Variants in PRTG observed in about 807,000 individuals in gnomAD.
PRTG encodes the protein protogenin, also known as immunoglobulin superfamily, DCC subclass, member 5.
Under a neutral mutation model 122.5 loss-of-function variants are expected in PRTG, and 67 were observed. The ratio of observed to expected loss-of-function variants is 0.55; its 90% CI spans 0.45 to 0.67. PRTG has a LOEUF of 0.67. Ranked by LOEUF, PRTG falls within the 30% of genes least tolerant of loss-of-function variation. The pLI is 0.00. For missense variants in PRTG, 1,435 were observed against 1,415.4 expected (o/e 1.01, Z -0.22); for synonymous variants, 554 against 501.1 (o/e 1.11, Z -1.41).
At position 55,675,661 on chromosome 15, in the gene PRTG, T is replaced by C. The variant is rs746103048; in HGVS notation, c.1404A>G (p.Gln468=). 5.7e-6 allele frequency: 9 copies of C among 1,573,650 alleles called. No homozygotes were observed. The South Asian group carries it at 7.8e-5, about 14-fold the overall frequency. The change falls in exon 9 of 20, where the codon CAA becomes CAG. Residue 468 remains glutamine, a synonymous_variant. Transcript: ENST00000389286. The part of the protein sequence containing the change: ...KAEGLNNEEY[Q]VVIGNDTTHY... ...GAGTTGTGTCATTTCCGATGACTAC[T>C]TGATACTCTTCATTATTTAAACCTA...
chr15:55,622,321 A>G (rs963643728), intron 18 of PRTG, among the ~76,000 whole-genome samples: 25 of 147,878 alleles, frequency 1.7e-4, no homozygotes, highest in Admixed American at 6.2e-4. Context: ...GGGTTCAAGC[A>G]ACTCTCCTGC....
At chr15:55,640,921 G>A (rs190304501) in intron 12 of PRTG, among the ~76,000 whole-genome samples, 192 bp downstream of exon 12, 6 of 151,804 alleles carry the variant, frequency 4.0e-5, no homozygotes, top group African/African-American at 1.4e-4. Flanking sequence ...GAGAGGCTGA[G>A]GCAGGAGAAT....
At chr15:55,709,742 T>C (rs1338248240) in intron 2 of PRTG, among the ~76,000 whole-genome samples, 2 of 152,200 alleles carry the variant, frequency 1.3e-5, no homozygotes, top group African/African-American at 2.4e-5. Context: ...AAAACATTTA[T>C]GCTGAATGAG....
intron 2 of PRTG, among the ~76,000 whole-genome samples, chr15:55,697,187 C>G (rs1330310168): frequency 1.3e-5 from 2 of 152,194 alleles, no homozygotes; most frequent in African/African-American, 4.8e-5. Context: ...CACTGCTTTT[C>G]AGGAACTCTC....
rs1271807319 is a variant in PRTG at position 55,614,397 on chromosome 15, C to T, written c.*5615G>A. The T allele has an allele frequency of 6.6e-6, 1 of 151,974 alleles. No homozygotes were observed. The highest frequency in any genetic ancestry group is 1.5e-5 in the Non-Finnish European group (1 of 67,958). 9.4% of individuals were successfully genotyped at this position (151,974 alleles called of 1,614,324 possible). On this transcript the variant is annotated 3_prime_UTR_variant, in exon 20 of 20. Coordinates refer to ENST00000389286, the MANE Select transcript of PRTG (RefSeq NM_173814.6). ...GCTTGGTGAAGCTGAAGAGAGGAACCAGATTTAAAGGCAGAAAGTTGTGAA... is the reference window on the plus strand; with the variant it reads ...GCTTGGTGAAGCTGAAGAGAGGAACTAGATTTAAAGGCAGAAAGTTGTGAA...
chr15:55,729,344 G>T (rs368131775), intron 2 of PRTG, among the ~76,000 whole-genome samples: 1 of 152,086 alleles, frequency 6.6e-6, no homozygotes, highest in South Asian at 2.1e-4. Context: ...AAGTAAATTC[G>T]TGGCTGCTAG....
Position 55,648,512 on chromosome 15 carries a change from C to T in PRTG, c.2042-7304G>A, listed in dbSNP as rs8038685. Among the ~76,000 whole-genome samples the T allele has an allele frequency of 4.6e-3, 694 of 152,288 alleles. 4 individuals carry two copies. The highest frequency in any genetic ancestry group is 0.016 in the African/African-American group (652 of 41,544). On this transcript the variant is annotated intron_variant, in intron 11 of 19. Coordinates refer to ENST00000389286, the MANE Select transcript of PRTG (RefSeq NM_173814.6). ...CAAAAAACCCCATGCCTTCGTCCGG[C>T]ATTTTACTTGAAAAACTTGCATTTC...
intron 2 of PRTG, among the ~76,000 whole-genome samples, chr15:55,710,328 T>G (rs993401871): frequency 2.0e-5 from 3 of 152,210 alleles, no homozygotes; most frequent in African/African-American, 7.2e-5. Flanking sequence ...TCTACTTAAT[T>G]ACAGCAATGT....
At chr15:55,701,695 G>T (rs943847104) in intron 2 of PRTG, among the ~76,000 whole-genome samples, 1 of 152,150 alleles carries the variant, frequency 6.6e-6, no homozygotes, top group African/African-American at 2.4e-5. Flanking sequence ...TCCTTCAAAG[G>T]TAGTGAATGA....
chr15:55,660,749 C>CA (rs1178490354), intron 11 of PRTG, among the ~76,000 whole-genome samples: 2 of 151,330 alleles, frequency 1.3e-5, no homozygotes, highest in Admixed American at 6.6e-5. Context: ...AAAAAGGAAA[C>CA]AAAAAAATAA....
At chr15:55,693,303 G>A (rs6493807) in intron 2 of PRTG, among the ~76,000 whole-genome samples, 18,831 of 152,042 alleles carry the variant, frequency 0.12, 1,459 homozygotes, top group East Asian at 0.36. Flanking sequence ...CTAAAAACAC[G>A]AAATCAGCCG....
intron 19 of PRTG, 110 bp from the exon 20 acceptor site, chr15:55,620,376 G>A: frequency 1.3e-6 from 2 of 1,511,792 alleles, no homozygotes; most frequent in East Asian, 2.3e-5. Context: ...ATTACCCGTG[G>A]CAAGCGAAGT....
At chr15:55,675,380 T>G in intron 9 of PRTG, 139 bp downstream of exon 9, 7 of 528,258 alleles carry the variant, frequency 1.3e-5, no homozygotes, top group Non-Finnish European at 1.9e-5. Context: ...AAAGCAAGAG[T>G]GAGATTTTGA....
In PRTG at chr15:55,721,150, G is replaced by A. The variant is rs907091779; in HGVS notation, c.397+19232C>T. On this transcript the variant is annotated intron_variant, in intron 2 of 19. Coordinates refer to ENST00000389286, the MANE Select transcript of PRTG (RefSeq NM_173814.6). ...CTCCCTGATTCCCCACATCTAACAA[G>A]TACTGCCATTGTAAAATCGTAATAA... Among the ~76,000 whole-genome samples, 7 of 152,256 alleles carry A rather than the reference G, an allele frequency of 4.6e-5. No homozygotes were observed. In the South Asian group the frequency reaches 1.5e-3, roughly 32 times the overall value.
At position 55,726,641 on chromosome 15, in the gene PRTG, C is replaced by CAA. The variant is rs201283767; in HGVS notation, c.397+13739_397+13740dup. ...TGTTAACAAGAGCGAATCTTCGTCTCAAAAAAAAAAAAAAAATAGATTAAA... is the reference window on the plus strand; with the variant it reads ...TGTTAACAAGAGCGAATCTTCGTCTCAAAAAAAAAAAAAAAAAATAGATTAAA... On this transcript the variant is annotated intron_variant, in intron 2 of 19. Coordinates refer to ENST00000389286, the MANE Select transcript of PRTG (RefSeq NM_173814.6). Among the ~76,000 whole-genome samples, 606 of 93,830 alleles carry CAA rather than the reference C, an allele frequency of 6.5e-3. 5 individuals are homozygous for CAA. Among genetic ancestry groups the CAA allele is most frequent in the African/African-American group, 0.019 (550 of 29,486 alleles). The allele number at this position is 93,830 out of a possible 152,430, so 61.6% of individuals were successfully genotyped here.
chr15:55,639,532 A>T (rs1300743217), intron 13 of PRTG, 110 bp downstream of exon 13: 2 of 854,654 alleles, frequency 2.3e-6, no homozygotes, highest in Non-Finnish European at 3.6e-6. Flanking sequence ...TCCTGAAACA[A>T]ATGCTTACAG....
intron 14 of PRTG, among the ~76,000 whole-genome samples, chr15:55,637,912 T>C (rs111682697): frequency 7.9e-5 from 12 of 152,324 alleles, no homozygotes; most frequent in African/African-American, 2.9e-4. Flanking sequence ...AGCTGGTTTT[T>C]AACACATCTT....
Position 55,677,914 on chromosome 15 carries a change from G to GTCTGCATGTAC in PRTG, c.1263_1264insGTACATGCAGA (p.Pro422ValfsTer20), listed in dbSNP as rs1243658134. Reference sequence around the variant, plus strand: ...ATGGTTTCAGCATGTACATTATAGGGAGCACTGGGTCTGTCTTCTGACATC... The same window carrying GTCTGCATGTAC: ...ATGGTTTCAGCATGTACATTATAGGGTCTGCATGTACAGCACTGGGTCTGTCTTCTGACATC... On this transcript the variant is annotated frameshift_variant, in exon 8 of 20. Coordinates refer to ENST00000389286, the MANE Select transcript of PRTG (RefSeq NM_173814.6). LOFTEE classifies it high-confidence loss of function. 6.2e-7 allele frequency: 1 copy of GTCTGCATGTAC among 1,613,930 alleles called. No homozygotes were observed. Among genetic ancestry groups the GTCTGCATGTAC allele is most frequent in the Admixed American group, 1.7e-5 (1 of 59,996 alleles).
intron 2 of PRTG, among the ~76,000 whole-genome samples, chr15:55,724,039 C>T (rs1451050789): frequency 1.3e-5 from 2 of 152,140 alleles, no homozygotes; most frequent in African/African-American, 4.8e-5. Context: ...ACGTGAGCCA[C>T]CATGCCTGGC....
Sources: gnomAD v4.1 joint callset for allele counts (sites outside exome capture counted in the v4.1 genomes callset) on GRCh38, gnomAD v4.1.1 for gene constraint, MANE v1.5 for transcripts, NCBI Gene and HGNC (gene_info 2026-07-23, HGNC 2026-07-21) for gene names.